The following FAS variants were observed in gnomAD, a reference collection of about 807,000 sequenced individuals.
FAS encodes the protein Fas cell surface death receptor, also known as tumor necrosis factor receptor superfamily member 6.
Under a neutral mutation model 33.2 loss-of-function variants are expected in FAS, and 5 were observed. That is an observed-to-expected ratio of 0.15 (90% CI 0.08 to 0.32). FAS has a LOEUF of 0.32. Ranked by LOEUF, FAS falls within the 10% of genes least tolerant of loss-of-function variation. FAS has a pLI of 1.00. For synonymous variants in FAS, 131 were observed against 130.7 expected (o/e 1.00, Z -0.01); for missense variants, 339 against 386.0 (o/e 0.88, Z 1.02).
chr10:88,964,936 A>G (rs1846294659), intron 1 of FAS, among the ~76,000 whole-genome samples: 1 of 152,124 alleles, frequency 6.6e-6, no homozygotes, highest in Non-Finnish European at 1.5e-5. Context: ...CAAGCTTTAC[A>G]AACATTTTTA....
At chr10:88,975,222 T>C (rs1846534735) in intron 2 of FAS, 1 of 151,572 alleles carries the variant, frequency 6.6e-6, no homozygotes, top group African/African-American at 2.4e-5. Context: ...AATCTTTGAA[T>C]GCTTGGCTAT....
chr10:88,990,624 C>T, upstream of FAS: 1 of 689,254 alleles, frequency 1.5e-6, no homozygotes, highest in Non-Finnish European at 2.6e-6. This position sits in a 1 kb window ranked among gnomAD's most constrained non-coding sequence, Gnocchi z 4.9. Flanking sequence ...TCCTGACCAC[C>T]GGGGCTTTTC....
intron 1 of FAS, among the ~76,000 whole-genome samples, chr10:88,991,930 G>C (rs114955372): frequency 5.1e-4 from 77 of 152,252 alleles, no homozygotes; most frequent in African/African-American, 1.8e-3. Flanking sequence ...TTATTTTATT[G>C]GGCCCCAACA....
chr10:88,970,208 C>G (rs1846401866), intron 1 of FAS, among the ~76,000 whole-genome samples: 1 of 152,140 alleles, frequency 6.6e-6, no homozygotes, highest in Non-Finnish European at 1.5e-5. Context: ...TACTCATAGG[C>G]AAAGTCACTA....
upstream of FAS, among the ~76,000 whole-genome samples, chr10:88,983,638 AACACAC>A (rs755182708): frequency 3.5e-4 from 36 of 102,870 alleles, no homozygotes; most frequent in South Asian, 1.2e-3. Flanking sequence ...AAAAAAAAAA[AACACAC>A]ACACACACAC....
chr10:89,008,783 G>A, intron 3 of FAS, 106 bp from the exon 4 acceptor site: 1 of 972,648 alleles, frequency 1.0e-6, no homozygotes, highest in Admixed American at 1.7e-5. Flanking sequence ...TGTGACTGTT[G>A]ATATAAGCAG....
chr10:88,980,153 A>C (rs1234595358), intron 2 of FAS, among the ~76,000 whole-genome samples: 1 of 152,256 alleles, frequency 6.6e-6, no homozygotes, highest in African/African-American at 2.4e-5. Context: ...GAAATGAAAT[A>C]GTTCAGTTTT....
At chr10:89,011,190 A>G (rs1327280626) in intron 6 of FAS, among the ~76,000 whole-genome samples, 4 of 152,180 alleles carry the variant, frequency 2.6e-5, no homozygotes, top group African/African-American at 7.2e-5. Flanking sequence ...ACACTTTAAA[A>G]ACTTGTACTT....
At chr10:88,994,370 G>A (rs890506323) in intron 1 of FAS, among the ~76,000 whole-genome samples, 7 of 152,182 alleles carry the variant, frequency 4.6e-5, no homozygotes, top group African/African-American at 1.7e-4. Flanking sequence ...GTCCCTTGAT[G>A]AGCACATGTT....
intron 1 of FAS, among the ~76,000 whole-genome samples, chr10:88,966,635 C>T (rs570504929): frequency 3.0e-4 from 46 of 152,224 alleles, no homozygotes; most frequent in African/African-American, 1.0e-3. Flanking sequence ...AATTCTGTCC[C>T]GGGAACCATG....
upstream of FAS, among the ~76,000 whole-genome samples, chr10:88,984,559 C>A (rs1846817863): frequency 6.6e-6 from 1 of 152,222 alleles, no homozygotes; most frequent in African/African-American, 2.4e-5. Context: ...TAAGATATCC[C>A]AGTGTTTGCA....
At chr10:88,982,309 A>G (rs17375284), upstream of FAS, among the ~76,000 whole-genome samples, 6,296 of 152,348 alleles carry the variant, frequency 0.041, 193 homozygotes, top group Non-Finnish European at 0.065. Flanking sequence ...ATCTAAATGA[A>G]GAGGTATTAT....
intron 7 of FAS, 119 bp from the exon 8 acceptor site, chr10:89,013,224 A>G: frequency 1.1e-6 from 1 of 899,060 alleles, no homozygotes; most frequent in East Asian, 2.6e-5. Context: ...CTAATTTTAT[A>G]CATCAAGCAA....
At chr10:88,986,750 GGAA>G (rs1387169281), upstream of FAS, among the ~76,000 whole-genome samples, 3 of 151,822 alleles carry the variant, frequency 2.0e-5, no homozygotes, top group African/African-American at 4.9e-5. Context: ...AGTGCAGGAA[GGAA>G]GAAGTATAGG....
At chr10:89,006,777 A>T (rs1848251202) in intron 2 of FAS, among the ~76,000 whole-genome samples, 1 of 152,242 alleles carries the variant, frequency 6.6e-6, no homozygotes, top group Admixed American at 6.5e-5. Flanking sequence ...ACTTCTAAAA[A>T]GTTCCTAGGA....
At chr10:88,979,287 C>T (rs991302715) in intron 2 of FAS, among the ~76,000 whole-genome samples, 2 of 151,840 alleles carry the variant, frequency 1.3e-5, no homozygotes, top group South Asian at 2.1e-4. Context: ...ATGAGGTCAG[C>T]GAGTTTCCCG....
At chr10:88,972,675 T>C (rs1846475117) in intron 1 of FAS, among the ~76,000 whole-genome samples, 1 of 152,188 alleles carries the variant, frequency 6.6e-6, no homozygotes, top group South Asian at 2.1e-4. Context: ...ATCTACTTCA[T>C]GGAAATTACT....
At chr10:88,970,539 A>C (rs1266529993) in intron 1 of FAS, among the ~76,000 whole-genome samples, 1 of 152,204 alleles carries the variant, frequency 6.6e-6, no homozygotes, top group African/African-American at 2.4e-5. Context: ...GGAGGTAGGA[A>C]GAAGGACATT....
At chr10:88,994,580 C>T (rs1847469146) in intron 1 of FAS, among the ~76,000 whole-genome samples, 1 of 151,992 alleles carries the variant, frequency 6.6e-6, no homozygotes, top group Non-Finnish European at 1.5e-5. Flanking sequence ...TACATTTATA[C>T]TTTATCTCAC....
Sources: gnomAD v4.1 joint callset for allele counts (sites outside exome capture counted in the v4.1 genomes callset) on GRCh38, gnomAD v4.1.1 for gene constraint, Gnocchi (gnomAD v3.1) non-coding constraint, MANE v1.5 for transcripts, NCBI Gene and HGNC (gene_info 2026-07-23, HGNC 2026-07-21) for gene names.